Variants in ADAM12 observed in about 807,000 individuals in gnomAD.
The protein encoded by ADAM12 is ADAM metallopeptidase domain 12, also known as disintegrin and metalloproteinase domain-containing protein 12.
In ADAM12, 70 loss-of-function variants were observed where a neutral mutation model predicts 106.4. The ratio of observed to expected loss-of-function variants is 0.66; its 90% CI spans 0.54 to 0.80. ADAM12 has a LOEUF of 0.80. ADAM12 is among the 30% of genes least tolerant of loss of function. The pLI, the probability that ADAM12 is intolerant of heterozygous loss-of-function variation, is 0.00. For missense variants in ADAM12, 1,010 were observed against 1,171.9 expected (o/e 0.86, Z 2.02); for synonymous variants, 420 against 433.5 (o/e 0.97, Z 0.39).
rs1026234087 is a variant in ADAM12, at chr10:126,066,467, C to T, written c.1413+250G>A. ...CATTTAAAGTTGAACTAGGGTTTAT[C>T]GGTCTGATCAGTTGTCAGCCCCTAA... On this transcript the variant is annotated intron_variant, in intron 13 of 22. Transcript: ENST00000448723. The surrounding 1 kb of genome is among the most constrained non-coding windows in gnomAD (Gnocchi z 5.1). 2.6e-5 allele frequency among the ~76,000 whole-genome samples: 4 copies of T among 152,170 alleles called. No individual in the cohort carries two copies. The highest frequency in any genetic ancestry group is 4.4e-5 in the Non-Finnish European group (3 of 68,034).
intron 3 of ADAM12, among the ~76,000 whole-genome samples, chr10:126,219,010 A>G (rs1489060717): frequency 1.3e-5 from 2 of 152,158 alleles, no homozygotes; most frequent in African/African-American, 4.8e-5. Context: ...TGTTACCCTC[A>G]ATTTACAGGT....
intron 21 of ADAM12, among the ~76,000 whole-genome samples, chr10:126,023,981 A>G (rs962324851): frequency 3.3e-5 from 5 of 152,232 alleles, no homozygotes; most frequent in African/African-American, 9.6e-5. Flanking sequence ...GCAGTAACAT[A>G]TCCAAAGACT....
chr10:126,292,287 C>T (rs1030418436), intron 2 of ADAM12, among the ~76,000 whole-genome samples: 7 of 152,128 alleles, frequency 4.6e-5, no homozygotes, highest in Non-Finnish European at 1.0e-4. Context: ...ATCCTTTTGG[C>T]TCCCATTGGT....
intron 5 of ADAM12, among the ~76,000 whole-genome samples, chr10:126,120,745 T>C (rs942163019): frequency 2.6e-5 from 4 of 151,426 alleles, no homozygotes; most frequent in African/African-American, 9.7e-5. Flanking sequence ...GATCCATATT[T>C]TGGGGTATCA....
At chr10:126,027,221 A>G (rs1044486285) in intron 21 of ADAM12, among the ~76,000 whole-genome samples, 7 of 152,212 alleles carry the variant, frequency 4.6e-5, no homozygotes, top group African/African-American at 1.7e-4. Context: ...CCTGAAATTG[A>G]GGCAGTAGTA....
At chr10:126,124,502 G>T (rs1956167120) in intron 5 of ADAM12, among the ~76,000 whole-genome samples, 1 of 152,180 alleles carries the variant, frequency 6.6e-6, no homozygotes, top group African/African-American at 2.4e-5. Flanking sequence ...AAGACCCCTT[G>T]CCCGTGGCTC....
intron 2 of ADAM12, among the ~76,000 whole-genome samples, chr10:126,295,578 T>C: frequency 1.2e-5 from 1 of 84,374 alleles, no homozygotes; most frequent in South Asian, 4.4e-4. Flanking sequence ...CACATCTCTG[T>C]TCTCCTATTG....
chr10:126,100,371 T>C (rs1646410759), intron 9 of ADAM12, among the ~76,000 whole-genome samples: 1 of 152,088 alleles, frequency 6.6e-6, no homozygotes, highest in Non-Finnish European at 1.5e-5. Flanking sequence ...AGATATTGTA[T>C]AAACATACAT....
chr10:126,304,411 C>A (rs963515823), intron 2 of ADAM12, among the ~76,000 whole-genome samples: 3 of 151,642 alleles, frequency 2.0e-5, no homozygotes, highest in African/African-American at 7.3e-5. Context: ...AAAAGCCAAC[C>A]ATATTAATAA....
At chr10:126,202,327 C>T (rs2927500) in intron 3 of ADAM12, among the ~76,000 whole-genome samples, 45,679 of 151,902 alleles carry the variant, frequency 0.3, 8,027 homozygotes, top group African/African-American at 0.5. Context: ...GCCTTTCTGA[C>T]TATTACCACT....
At chr10:126,315,401 T>C (rs1342896031) in intron 2 of ADAM12, among the ~76,000 whole-genome samples, 2 of 152,210 alleles carry the variant, frequency 1.3e-5, no homozygotes, top group African/African-American at 4.8e-5. Context: ...TCCTGTCTGT[T>C]ATAACCAACA....
At chr10:126,067,003 C>G in intron 12 of ADAM12, 197 bp from the exon 13 acceptor site, 1 of 550,650 alleles carries the variant, frequency 1.8e-6, no homozygotes, top group South Asian at 2.0e-5. Flanking sequence ...TCTACGAGTC[C>G]CTGGAAAAAG....
chr10:126,096,134 A>G lies in ADAM12; in HGVS notation c.997-2001T>C, dbSNP rs1183697351. Among the ~76,000 whole-genome samples the G allele has an allele frequency of 2.6e-5, 4 of 152,346 alleles. No homozygotes were observed. In the South Asian group the frequency reaches 8.3e-4, roughly 32 times the overall value. Reference sequence around the variant, plus strand: ...GAAGTTTACAAATATGTTTCAGGAAATCGGTTCTCGAAAATAACACAATGG... The same window carrying G: ...GAAGTTTACAAATATGTTTCAGGAAGTCGGTTCTCGAAAATAACACAATGG... On this transcript the variant is annotated intron_variant, in intron 10 of 22. Coordinates refer to ENST00000448723, the MANE Select transcript of ADAM12 (RefSeq NM_001288973.2).
At chr10:126,322,973 G>A (rs1402776815) in intron 2 of ADAM12, among the ~76,000 whole-genome samples, 1 of 152,156 alleles carries the variant, frequency 6.6e-6, no homozygotes, top group African/African-American at 2.4e-5. Context: ...ACAGCTTCAT[G>A]AGGATTGTCA....
At chr10:126,347,966 T>G (rs1464923499) in intron 1 of ADAM12, among the ~76,000 whole-genome samples, 3 of 152,164 alleles carry the variant, frequency 2.0e-5, no homozygotes, top group Non-Finnish European at 4.4e-5. Flanking sequence ...CATTTCAGGT[T>G]TCCATGGGAG....
chr10:126,155,039 T>C (rs981375818), intron 4 of ADAM12, among the ~76,000 whole-genome samples, 188 bp downstream of exon 4: 2 of 152,124 alleles, frequency 1.3e-5, no homozygotes, highest in African/African-American at 4.8e-5. Flanking sequence ...TCTGTGCACA[T>C]ACCTGGCCAA....
chr10:126,337,053 C>T (rs1854727341), intron 1 of ADAM12, among the ~76,000 whole-genome samples: 1 of 152,154 alleles, frequency 6.6e-6, no homozygotes, highest in South Asian at 2.1e-4. Flanking sequence ...TTTCCAGAAC[C>T]AACAGAATAT....
chr10:126,041,961 G>A (rs147184478), intron 18 of ADAM12: 988 of 1,429,540 alleles, frequency 6.9e-4, no homozygotes, highest in Admixed American at 2.0e-3. Context: ...TTCTGCAGAC[G>A]TGCCTGGTAG....
At chr10:126,128,428 C>T (rs1278288086) in intron 5 of ADAM12, among the ~76,000 whole-genome samples, 1 of 152,224 alleles carries the variant, frequency 6.6e-6, no homozygotes, top group African/African-American at 2.4e-5. Context: ...ACAATAACAT[C>T]TGCCCCATTC....
Sources: allele counts gnomAD v4.1 joint callset (sites outside exome capture counted in the v4.1 genomes callset), GRCh38; gene constraint gnomAD v4.1.1; non-coding constraint Gnocchi (gnomAD v3.1); transcripts MANE v1.5; gene names NCBI Gene and HGNC (gene_info 2026-07-23, HGNC 2026-07-21).